The following TMC1 variants were observed in gnomAD, a reference collection of about 807,000 sequenced individuals.
The protein encoded by TMC1 is transmembrane channel like 1, also known as transmembrane channel-like protein 1.
TMC1 carries 84 observed loss-of-function variants against 105.8 expected under a neutral mutation model. That is an observed-to-expected ratio of 0.79 (90% confidence interval 0.67 to 0.95). The LOEUF is 0.95. Ranked by LOEUF, TMC1 falls within the 40% of genes least tolerant of loss-of-function variation. TMC1 has a pLI of 0.00. For missense variants in TMC1, 817 were observed against 914.1 expected (o/e 0.89, Z 1.37); for synonymous variants, 315 against 311.5 (o/e 1.01, Z -0.12).
intron 10 of TMC1, among the ~76,000 whole-genome samples, chr9:72,747,238 T>A (rs1342236887): frequency 2.0e-5 from 3 of 152,162 alleles, no homozygotes; most frequent in African/African-American, 7.2e-5. Context: ...CAAATCAAAT[T>A]TGTCACATTT....
intron 4 of TMC1, among the ~76,000 whole-genome samples, chr9:72,642,823 G>A (rs1308608036): frequency 6.6e-6 from 1 of 152,098 alleles, no homozygotes; most frequent in Admixed American, 6.5e-5. Context: ...ACCTACATTA[G>A]TGTGACAATC....
At chr9:72,674,969 G>A (rs1010507959) in intron 5 of TMC1, among the ~76,000 whole-genome samples, 1 of 152,188 alleles carries the variant, frequency 6.6e-6, no homozygotes, top group Non-Finnish European at 1.5e-5. Flanking sequence ...TCACACAGTT[G>A]AGACAATTTG....
At chr9:72,601,636 C>T (rs917165630) in intron 2 of TMC1, among the ~76,000 whole-genome samples, 8 of 152,070 alleles carry the variant, frequency 5.3e-5, no homozygotes, top group Non-Finnish European at 1.0e-4. Flanking sequence ...CAGAGTGAGA[C>T]CCTGTCTCGA....
intron 1 of TMC1, among the ~76,000 whole-genome samples, chr9:72,558,066 C>A (rs915806797): frequency 2.0e-5 from 3 of 152,124 alleles, no homozygotes; most frequent in African/African-American, 7.2e-5. Flanking sequence ...AATAAAAATG[C>A]TTCTTCAGTG....
At chr9:72,764,352 A>C (rs767511716) in intron 12 of TMC1, among the ~76,000 whole-genome samples, 3 of 152,266 alleles carry the variant, frequency 2.0e-5, no homozygotes, top group Non-Finnish European at 2.9e-5. Flanking sequence ...ATAACTCCAG[A>C]AGTCAACCAG....
chr9:72,582,000 C>G (rs1192963654), intron 2 of TMC1, among the ~76,000 whole-genome samples: 1 of 152,032 alleles, frequency 6.6e-6, no homozygotes, highest in African/African-American at 2.4e-5. Flanking sequence ...TCTTGTTGCT[C>G]AGGATGAAGT....
chr9:72,600,931 T>C (rs1824799517), intron 2 of TMC1, among the ~76,000 whole-genome samples: 1 of 152,180 alleles, frequency 6.6e-6, no homozygotes, highest in Non-Finnish European at 1.5e-5. Flanking sequence ...ATGCTGAGGC[T>C]GCTGGTCCAG....
In TMC1 at chr9:72,791,963, T is replaced by A. The variant is rs781418962; in HGVS notation, c.1302T>A (p.His434Gln). 9.3e-6 allele frequency: 15 copies of A among 1,614,020 alleles called. No homozygotes were observed. Among genetic ancestry groups the A allele is most frequent in the Non-Finnish European group, 1.3e-5 (15 of 1,179,936 alleles). ...TATTTGCTGAATTAGAAGACTACCATCCTCTCATCGCTTTGAAATGGCTAC... is the reference window on the plus strand; with the variant it reads ...TATTTGCTGAATTAGAAGACTACCAACCTCTCATCGCTTTGAAATGGCTAC... ...FDLFAELEDYHPLIALKWLLG... is the reference protein window; with the variant it reads ...FDLFAELEDYQPLIALKWLLG... Residue 434 changes from histidine to glutamine, a missense_variant, in exon 16 of 24, where the codon CAT (histidine) becomes CAA (glutamine). Transcript: ENST00000297784.
chr9:72,537,339 T>C (rs561714648), intron 1 of TMC1, among the ~76,000 whole-genome samples: 26 of 152,336 alleles, frequency 1.7e-4, no homozygotes, highest in African/African-American at 6.3e-4. Flanking sequence ...AATATCTCTC[T>C]AGCAAGTGTT....
intron 21 of TMC1, among the ~76,000 whole-genome samples, chr9:72,828,631 A>G (rs1447868454): frequency 6.6e-6 from 1 of 152,358 alleles, no homozygotes; most frequent in Non-Finnish European, 1.5e-5. Flanking sequence ...TTTAATTCCC[A>G]TAACAGCTTT....
intron 1 of TMC1, among the ~76,000 whole-genome samples, chr9:72,537,083 T>A (rs1823597598): frequency 6.6e-6 from 1 of 152,188 alleles, no homozygotes; most frequent in African/African-American, 2.4e-5. Context: ...ACCTAAGCAG[T>A]GGCTCAAACA....
chr9:72,592,676 C>T (rs1312590186), intron 2 of TMC1, among the ~76,000 whole-genome samples: 2 of 152,214 alleles, frequency 1.3e-5, no homozygotes, highest in African/African-American at 2.4e-5. Context: ...GGCCACCTCT[C>T]CTGCTAGATT....
chr9:72,703,735 AG>A (rs1035280274), intron 8 of TMC1, among the ~76,000 whole-genome samples: 5 of 152,222 alleles, frequency 3.3e-5, no homozygotes, highest in African/African-American at 4.8e-5. Flanking sequence ...ACAGAATGGA[AG>A]CACAAATTTA....
intron 18 of TMC1, among the ~76,000 whole-genome samples, chr9:72,806,621 C>T (rs549069392): frequency 4.3e-4 from 64 of 149,432 alleles, no homozygotes; most frequent in African/African-American, 1.1e-3. Flanking sequence ...ACCTCCCAGA[C>T]GGGGTCGCAG....
chr9:72,727,133 C>A (rs906947060), intron 8 of TMC1, among the ~76,000 whole-genome samples: 5 of 152,114 alleles, frequency 3.3e-5, no homozygotes, highest in Non-Finnish European at 7.3e-5. Context: ...TCCTGCAAAC[C>A]AATGCCTGGA....
chr9:72,711,586 C>T (rs1408766199), intron 8 of TMC1, among the ~76,000 whole-genome samples: 2 of 152,178 alleles, frequency 1.3e-5, no homozygotes, highest in African/African-American at 2.4e-5. Context: ...AATGTCTGTT[C>T]ATGTCCTTTG....
At chr9:72,766,127 G>C (rs1281145147) in intron 12 of TMC1, among the ~76,000 whole-genome samples, 3 of 152,094 alleles carry the variant, frequency 2.0e-5, no homozygotes, top group African/African-American at 7.2e-5. Flanking sequence ...TAAAGTATTA[G>C]CACATCTCGG....
intron 1 of TMC1, among the ~76,000 whole-genome samples, chr9:72,549,617 T>C (rs1296356237): frequency 2.0e-5 from 3 of 150,378 alleles, no homozygotes; most frequent in African/African-American, 7.3e-5. Context: ...TATTTTTTTT[T>C]TTTTTTTTTT....
intron 11 of TMC1, among the ~76,000 whole-genome samples, 184 bp downstream of exon 11, chr9:72,752,140 G>T (rs1162355663): frequency 6.6e-6 from 1 of 152,154 alleles, no homozygotes; most frequent in Non-Finnish European, 1.5e-5. Flanking sequence ...TTGCACTAAA[G>T]GGGGTGTAAG....
Sources: gnomAD v4.1 joint callset for allele counts (sites outside exome capture counted in the v4.1 genomes callset) on GRCh38, gnomAD v4.1.1 for gene constraint, MANE v1.5 for transcripts, NCBI Gene and HGNC (gene_info 2026-07-23, HGNC 2026-07-21) for gene names.